Variants in KCNJ6 observed in about 807,000 individuals in gnomAD.
KCNJ6 encodes the protein G protein-activated inward rectifier potassium channel 2.
A neutral mutation model predicts 34.2 loss-of-function variants in KCNJ6; 9 were observed. The ratio of observed to expected loss-of-function variants is 0.26; its 90% CI spans 0.16 to 0.46. The LOEUF is 0.46. KCNJ6 is among the 20% of genes least tolerant of loss of function. The pLI is 1.00. For synonymous variants in KCNJ6, 196 were observed against 207.1 expected (o/e 0.95, Z 0.46); for missense variants, 236 against 531.3 (o/e 0.44, Z 5.46).
chr21:37,693,365 T>C (rs2054648878), intron 3 of KCNJ6, among the ~76,000 whole-genome samples: 2 of 152,116 alleles, frequency 1.3e-5, no homozygotes, highest in Non-Finnish European at 2.9e-5. Context: ...GGCCCAGGGA[T>C]TGGCTGAGTT....
intron 2 of KCNJ6, among the ~76,000 whole-genome samples, chr21:37,720,575 T>C (rs554455882): frequency 5.3e-5 from 8 of 152,216 alleles, no homozygotes; most frequent in Admixed American, 2.0e-4. Flanking sequence ...GGGACAGATG[T>C]CATCTTTCTC....
intron 3 of KCNJ6, among the ~76,000 whole-genome samples, chr21:37,684,038 C>T (rs1361246551): frequency 6.6e-6 from 1 of 152,230 alleles, no homozygotes; most frequent in African/African-American, 2.4e-5. Context: ...TAGTAATAAA[C>T]AAGAAATGAT....
intron 1 of KCNJ6, among the ~76,000 whole-genome samples, chr21:37,912,608 T>C (rs1230984461): frequency 6.6e-6 from 1 of 152,244 alleles, no homozygotes; most frequent in Non-Finnish European, 1.5e-5. Flanking sequence ...ACTCCACGTG[T>C]CACTTCTTCT....
chr21:37,846,054 T>C (rs1453146979), intron 1 of KCNJ6, among the ~76,000 whole-genome samples: 1 of 152,228 alleles, frequency 6.6e-6, no homozygotes, highest in Non-Finnish European at 1.5e-5. Flanking sequence ...GTGTCTTGTT[T>C]AAATCATAAA....
intron 2 of KCNJ6, among the ~76,000 whole-genome samples, chr21:37,757,831 C>G (rs78778964): frequency 5.4e-4 from 83 of 152,378 alleles, no homozygotes; most frequent in African/African-American, 1.9e-3. Context: ...CTGGCTGGCT[C>G]GAGCCCAGGT....
chr21:37,635,539 C>G (rs2054353928), intron 3 of KCNJ6, among the ~76,000 whole-genome samples: 1 of 148,438 alleles, frequency 6.7e-6, no homozygotes, highest in Non-Finnish European at 1.5e-5. Flanking sequence ...TTTTTTGAGA[C>G]AGGGTCTCTC....
intron 2 of KCNJ6, among the ~76,000 whole-genome samples, chr21:37,727,472 T>TGTGC (rs1556026073): frequency 5.9e-5 from 9 of 151,644 alleles, no homozygotes; most frequent in Middle Eastern, 3.2e-3. Flanking sequence ...TGTGTGTGTG[T>TGTGC]GTGCATGGAT....
intron 1 of KCNJ6, among the ~76,000 whole-genome samples, chr21:37,885,686 G>C (rs2055732018): frequency 6.6e-6 from 1 of 152,210 alleles, no homozygotes; most frequent in Non-Finnish European, 1.5e-5. Context: ...CAGTCCTGCA[G>C]CCTCAAGGAA....
At chr21:37,822,703 TTG>T (rs1381155310) in intron 2 of KCNJ6, among the ~76,000 whole-genome samples, 1 of 152,158 alleles carries the variant, frequency 6.6e-6, no homozygotes, top group Non-Finnish European at 1.5e-5. Context: ...TCGATTTTGA[TTG>T]TCTTTTGTGA....
chr21:37,880,636 A>G (rs1222587898), intron 1 of KCNJ6, among the ~76,000 whole-genome samples: 6 of 152,208 alleles, frequency 3.9e-5, no homozygotes. Context: ...ATTTTCTGTT[A>G]TTGCATTTTC....
intron 2 of KCNJ6, among the ~76,000 whole-genome samples, chr21:37,790,453 C>A (rs2055211682): frequency 2.0e-5 from 3 of 152,184 alleles, no homozygotes; most frequent in Non-Finnish European, 1.5e-5. Flanking sequence ...CATGAATTGT[C>A]TTATTTAGTT....
intron 2 of KCNJ6, among the ~76,000 whole-genome samples, chr21:37,752,252 G>A (rs973834397): frequency 3.3e-5 from 5 of 152,142 alleles, no homozygotes; most frequent in Non-Finnish European, 7.4e-5. Context: ...CAGTTGCCTT[G>A]ATTCAGCCCC....
At chr21:37,745,032 G>C (rs965508587) in intron 2 of KCNJ6, among the ~76,000 whole-genome samples, 2 of 149,652 alleles carry the variant, frequency 1.3e-5, no homozygotes, top group Non-Finnish European at 3.0e-5. Context: ...AGGGAACCAG[G>C]GAGATAGTAG....
chr21:37,847,666 T>A (rs2055516154), intron 1 of KCNJ6, among the ~76,000 whole-genome samples: 1 of 151,316 alleles, frequency 6.6e-6, no homozygotes, highest in Non-Finnish European at 1.5e-5. Context: ...CAATATGTGG[T>A]ATCAAGGGTA....
At chr21:37,853,846 G>GTATATATATATATATATATATA (rs144698876) in intron 1 of KCNJ6, among the ~76,000 whole-genome samples, 181 of 115,922 alleles carry the variant, frequency 1.6e-3, no homozygotes, top group African/African-American at 5.4e-3. Context: ...ATATATATAT[G>GTATATATATATATATATATATA]TATATATATA....
intron 2 of KCNJ6, among the ~76,000 whole-genome samples, chr21:37,823,121 C>T (rs1194926279): frequency 6.6e-6 from 1 of 152,128 alleles, no homozygotes; most frequent in Admixed American, 6.5e-5. Flanking sequence ...AGAGAGATGG[C>T]AGGCAGGCCC....
chr21:37,831,942 G>A (rs896831031), intron 2 of KCNJ6, among the ~76,000 whole-genome samples: 1 of 152,130 alleles, frequency 6.6e-6, no homozygotes, highest in African/African-American at 2.4e-5. Flanking sequence ...ATTCTGCAGG[G>A]ACAGTAGAAG....
At chr21:37,643,408 G>C (rs1448238277) in intron 3 of KCNJ6, among the ~76,000 whole-genome samples, 1 of 152,198 alleles carries the variant, frequency 6.6e-6, no homozygotes, top group Admixed American at 6.5e-5. Flanking sequence ...TGGTAAGAGT[G>C]AGTGCAGTGG....
intron 2 of KCNJ6, among the ~76,000 whole-genome samples, chr21:37,778,165 C>A (rs945532018): frequency 1.3e-5 from 2 of 152,160 alleles, no homozygotes; most frequent in African/African-American, 4.8e-5. Context: ...CAGAAGCTAT[C>A]TAGGGGCATC....
Sources: allele counts gnomAD v4.1 joint callset (sites outside exome capture counted in the v4.1 genomes callset), GRCh38; gene constraint gnomAD v4.1.1; transcripts MANE v1.5; gene names NCBI Gene and HGNC (gene_info 2026-07-23, HGNC 2026-07-21).